The following OLA1 variants were observed in gnomAD, a reference collection of about 807,000 sequenced individuals.
OLA1 encodes the protein Obg like ATPase 1.
A neutral mutation model predicts 48.4 loss-of-function variants in OLA1; 14 were observed. The ratio of observed to expected loss-of-function variants is 0.29; its 90% CI spans 0.19 to 0.45. The LOEUF is 0.45. Among genes scored for constraint, OLA1 ranks in the 20% least tolerant of loss-of-function variants. OLA1 has a pLI of 1.00. For synonymous variants in OLA1, 127 were observed against 150.4 expected (o/e 0.84, Z 1.14); for missense variants, 325 against 467.1 (o/e 0.70, Z 2.80).
At chr2:174,146,728 C>T (rs144282741) in intron 4 of OLA1, among the ~76,000 whole-genome samples, 3 of 152,200 alleles carry the variant, frequency 2.0e-5, no homozygotes, top group East Asian at 3.9e-4. Context: ...TGTATTCAAC[C>T]GTCAGATACT....
intron 4 of OLA1, among the ~76,000 whole-genome samples, chr2:174,173,444 G>C (rs1346461923): frequency 6.6e-6 from 1 of 151,996 alleles, no homozygotes; most frequent in Non-Finnish European, 1.5e-5. Flanking sequence ...ATATTTTTAA[G>C]CCTTTTTTTC....
At chr2:174,112,772 T>C (rs952486434) in intron 7 of OLA1, among the ~76,000 whole-genome samples, 2 of 152,188 alleles carry the variant, frequency 1.3e-5, no homozygotes, top group African/African-American at 4.8e-5. Context: ...AGTGACATAC[T>C]CTCAGGCTTC....
chr2:174,157,869 A>C (rs898830309), intron 4 of OLA1, among the ~76,000 whole-genome samples: 2 of 152,160 alleles, frequency 1.3e-5, no homozygotes, highest in African/African-American at 2.4e-5. Context: ...GATGCCCTGA[A>C]ACCAGATAAT....
chr2:174,118,611 GA>G (rs1226559948), intron 7 of OLA1, among the ~76,000 whole-genome samples: 1 of 152,120 alleles, frequency 6.6e-6, no homozygotes, highest in Non-Finnish European at 1.5e-5. Context: ...GTGGAAGCTA[GA>G]AAAAATTTTA....
chr2:174,120,255 T>C (rs2105365734), intron 7 of OLA1, among the ~76,000 whole-genome samples: 1 of 152,224 alleles, frequency 6.6e-6, no homozygotes, highest in Middle Eastern at 3.4e-3. Flanking sequence ...AGTTCTAATG[T>C]CCTGTACCTG....
intron 7 of OLA1, among the ~76,000 whole-genome samples, chr2:174,121,921 A>G (rs1444226144): frequency 6.6e-6 from 1 of 152,230 alleles, no homozygotes; most frequent in Non-Finnish European, 1.5e-5. Flanking sequence ...ATTGTTTCAC[A>G]GAGCCTCAGG....
At chr2:174,160,156 C>G (rs1486479430) in intron 4 of OLA1, among the ~76,000 whole-genome samples, 2 of 151,986 alleles carry the variant, frequency 1.3e-5, no homozygotes, top group Non-Finnish European at 2.9e-5. Flanking sequence ...ATACAACATA[C>G]ATATAGGATT....
chr2:174,174,961 T>C (rs1687388301), intron 4 of OLA1, among the ~76,000 whole-genome samples: 1 of 152,006 alleles, frequency 6.6e-6, no homozygotes, highest in Admixed American at 6.5e-5. Context: ...TGACCTGCAC[T>C]TGACCTCCTA....
chr2:174,213,498 A>G (rs1165990440), intron 4 of OLA1, among the ~76,000 whole-genome samples: 1 of 152,226 alleles, frequency 6.6e-6, no homozygotes, highest in African/African-American at 2.4e-5. Flanking sequence ...TCAAAAGAAA[A>G]AAAAAAGGCT....
intron 7 of OLA1, among the ~76,000 whole-genome samples, chr2:174,117,813 T>C (rs772796378): frequency 1.3e-5 from 2 of 152,154 alleles, no homozygotes; most frequent in Non-Finnish European, 2.9e-5. Context: ...CTTCCCGAGG[T>C]CCTGCCCTAT....
intron 7 of OLA1, among the ~76,000 whole-genome samples, chr2:174,102,971 T>C (rs1217000906): frequency 6.6e-6 from 1 of 152,076 alleles, no homozygotes; most frequent in Admixed American, 6.6e-5. Flanking sequence ...CAAGTGACAA[T>C]GAGTAATATG....
At chr2:174,079,153 TTTC>T in intron 9 of OLA1, 63 bp from the exon 10 acceptor site, 1 of 1,451,818 alleles carries the variant, frequency 6.9e-7, no homozygotes, top group Non-Finnish European at 9.3e-7. Context: ...AAGCACAGAG[TTTC>T]TTTTCTCTGA....
At chr2:174,237,711 G>A (rs1366575523) in intron 2 of OLA1, among the ~76,000 whole-genome samples, 1 of 152,118 alleles carries the variant, frequency 6.6e-6, no homozygotes, top group Non-Finnish European at 1.5e-5. Flanking sequence ...CTATGATCAG[G>A]CAACTACACT....
chr2:174,082,614 G>A (rs942078398), intron 7 of OLA1, among the ~76,000 whole-genome samples: 4 of 152,076 alleles, frequency 2.6e-5, no homozygotes, highest in African/African-American at 7.2e-5. Context: ...GAACAAGCAC[G>A]TGCAGAAATA....
intron 7 of OLA1, among the ~76,000 whole-genome samples, chr2:174,120,741 G>A (rs2105366051): frequency 6.6e-6 from 1 of 151,904 alleles, no homozygotes; most frequent in Middle Eastern, 3.4e-3. Flanking sequence ...TTACATTTAG[G>A]GTGAACTTCA....
At chr2:174,149,088 T>G (rs1391904123) in intron 4 of OLA1, among the ~76,000 whole-genome samples, 1 of 152,144 alleles carries the variant, frequency 6.6e-6, no homozygotes, top group Non-Finnish European at 1.5e-5. Context: ...ACATGTGCTC[T>G]CTCCACTTTT....
intron 4 of OLA1, among the ~76,000 whole-genome samples, chr2:174,163,035 CTG>C (rs1687050739): frequency 6.6e-6 from 1 of 151,932 alleles, no homozygotes; most frequent in Admixed American, 6.6e-5. Context: ...CAGAGTGAGA[CTG>C]TCTCAAACAA....
At chr2:174,162,225 T>C (rs1687027495) in intron 4 of OLA1, among the ~76,000 whole-genome samples, 2 of 152,146 alleles carry the variant, frequency 1.3e-5, no homozygotes, top group South Asian at 4.1e-4. Flanking sequence ...CTGGAAAACA[T>C]ACTAATGTTT....
chr2:174,125,704 T>A (rs933101299), intron 5 of OLA1, among the ~76,000 whole-genome samples: 1 of 152,238 alleles, frequency 6.6e-6, no homozygotes, highest in African/African-American at 2.4e-5. Flanking sequence ...ATTTCAGATA[T>A]AGAAATCTTA....
Sources: allele counts gnomAD v4.1 joint callset (sites outside exome capture counted in the v4.1 genomes callset), GRCh38; gene constraint gnomAD v4.1.1; transcripts MANE v1.5; gene names NCBI Gene and HGNC (gene_info 2026-07-23, HGNC 2026-07-21).